Variants in TF observed in about 807,000 individuals in gnomAD.
TF encodes serotransferrin.
TF carries 55 observed loss-of-function variants against 82.4 expected under a neutral mutation model. That is an observed-to-expected ratio of 0.67 (90% CI 0.54 to 0.84). TF has a LOEUF of 0.84. Ranked by LOEUF, TF falls within the 40% of genes least tolerant of loss-of-function variation. The pLI is 0.00. For missense variants in TF, 737 were observed against 868.4 expected, an observed-to-expected ratio of 0.85 and a Z score of 1.90; for synonymous variants, 332 against 332.6, an observed-to-expected ratio of 1.00 and a Z score of 0.02.
At chr3:133,664,405 C>A in the TF span, among the ~76,000 whole-genome samples, 3 of 152,126 alleles carry the variant, frequency 2.0e-5, no homozygotes, top group African/African-American at 2.4e-5. Context: ...TCACTGCAAC[C>A]TCCACCCCCG....
chr3:133,735,050 C>T, the TF span, among the ~76,000 whole-genome samples: 4 of 152,226 alleles, frequency 2.6e-5, no homozygotes, highest in East Asian at 7.7e-4. Context: ...GCTATATTGA[C>T]TGAGTATTAG....
At chr3:133,743,653 A>G (rs4640562), upstream of TF, among the ~76,000 whole-genome samples, 1,087 of 152,274 alleles carry the variant, frequency 7.1e-3, 12 homozygotes, top group African/African-American at 0.025. Context: ...TCAGAGGGGT[A>G]TGGTAAGTGC....
Position 133,789,867 on chromosome 3 carries a change from G to C in TF, c.*11247G>C, listed in dbSNP as rs375171613. The C allele has an allele frequency of 5.4e-5, 7 of 128,724 alleles. No homozygotes were observed. Among genetic ancestry groups the C allele is most frequent in the Non-Finnish European group, 1.1e-4 (7 of 63,078 alleles). The allele number at this position is 128,724 out of a possible 1,614,324, so 8.0% of individuals were successfully genotyped here. On this transcript the variant is annotated 3_prime_UTR_variant, in exon 17 of 17. Transcript: ENST00000402696. ...ACTATAAACCCAGCCAAAACAAAACGATCTCGTTTGCGTTTTTTTTTTTTT... is the reference window on the plus strand; with the variant it reads ...ACTATAAACCCAGCCAAAACAAAACCATCTCGTTTGCGTTTTTTTTTTTTT...
chr3:133,714,676 T>G, the TF span, among the ~76,000 whole-genome samples: 1 of 148,562 alleles, frequency 6.7e-6, no homozygotes, highest in South Asian at 2.1e-4. Flanking sequence ...CCTTGAGTTG[T>G]TTTTTTGTTT....
rs779860647 is a variant in TF, at chr3:133,790,264, C to G, written c.*11644C>G. Reference sequence around the variant, plus strand: ...ATGTTTCTAAAATTGTGGAATTGTTCTTAACTATAAATTCCCATATCTGAT... The same window carrying G: ...ATGTTTCTAAAATTGTGGAATTGTTGTTAACTATAAATTCCCATATCTGAT... On this transcript the variant is annotated 3_prime_UTR_variant, in exon 17 of 17. Transcript: ENST00000402696. 3 of 152,084 alleles carry G rather than the reference C, an allele frequency of 2.0e-5. No individual in the cohort carries two copies. Among genetic ancestry groups the G allele is most frequent in the Non-Finnish European group, 2.9e-5 (2 of 68,004 alleles). The allele number at this position is 152,084 out of a possible 1,614,324, so 9.4% of individuals were successfully genotyped here.
the TF span, among the ~76,000 whole-genome samples, chr3:133,737,919 T>C: frequency 6.6e-6 from 1 of 152,110 alleles, no homozygotes; most frequent in Non-Finnish European, 1.5e-5. Flanking sequence ...TCTGAAACTA[T>C]TCCAAACCAT....
At chr3:133,683,729 T>A in the TF span, among the ~76,000 whole-genome samples, 73 of 152,196 alleles carry the variant, frequency 4.8e-4, no homozygotes, top group Non-Finnish European at 7.5e-4. Flanking sequence ...ACAAAGAGAC[T>A]TAGACTCCCA....
intron 14 of TF, chr3:133,772,901 C>T (rs1174947497): frequency 6.6e-6 from 1 of 152,124 alleles, no homozygotes; most frequent in East Asian, 1.9e-4. Flanking sequence ...TTATATTTTG[C>T]ACCTTCTTAC....
At position 133,788,808 on chromosome 3, in the gene TF, C is replaced by T. The variant is rs1166615917; in HGVS notation, c.*10188C>T. 6.6e-6 allele frequency: 1 copy of T among 152,218 alleles called. No homozygotes were observed. The highest frequency in any genetic ancestry group is 1.5e-5 in the Non-Finnish European group (1 of 68,074). The allele number at this position is 152,218 out of a possible 1,614,324, so 9.4% of individuals were successfully genotyped here. A position where few individuals can be genotyped will look rare whatever the true frequency, so the allele number is the denominator to read the frequency against. ...CGCAGCTCAGGGCAAACTTGCAGCT[C>T]AGGGTGAACTTGCATGTGTTTCAGG... On this transcript the variant is annotated 3_prime_UTR_variant, in exon 17 of 17. Coordinates refer to ENST00000402696, the MANE Select transcript of TF (RefSeq NM_001063.4).
the TF span, among the ~76,000 whole-genome samples, chr3:133,706,617 G>C: frequency 5.3e-5 from 8 of 152,256 alleles, no homozygotes; most frequent in Non-Finnish European, 1.2e-4. Context: ...ATTATGGTTT[G>C]AAAACTGCTG....
chr3:133,718,471 C>T, the TF span, among the ~76,000 whole-genome samples: 3 of 152,066 alleles, frequency 2.0e-5, no homozygotes, highest in Non-Finnish European at 4.4e-5. Flanking sequence ...TGTGTTTTCT[C>T]TGGGAAGCAG....
the TF span, among the ~76,000 whole-genome samples, chr3:133,719,915 C>T: frequency 4.6e-5 from 7 of 151,954 alleles, no homozygotes; most frequent in South Asian, 2.1e-4. Flanking sequence ...TTATTATTAG[C>T]GTATGAAAAT....
the TF span, among the ~76,000 whole-genome samples, chr3:133,729,114 G>GAC: frequency 1.3e-5 from 2 of 152,146 alleles, no homozygotes; most frequent in African/African-American, 2.4e-5. Context: ...GGTCAGAGGG[G>GAC]TCACTTGAGG....
the TF span, among the ~76,000 whole-genome samples, chr3:133,733,406 T>C: frequency 2.0e-5 from 3 of 152,176 alleles, no homozygotes; most frequent in Admixed American, 1.3e-4. Flanking sequence ...AGGTGTCCTG[T>C]AAATAGTGTG....
the TF span, among the ~76,000 whole-genome samples, chr3:133,692,488 C>T: frequency 2.6e-5 from 4 of 152,180 alleles, no homozygotes; most frequent in South Asian, 8.3e-4. Flanking sequence ...CTGAAGCGCT[C>T]CCTAAGTGCG....
chr3:133,724,488 C>A, the TF span, among the ~76,000 whole-genome samples: 1 of 152,086 alleles, frequency 6.6e-6, no homozygotes, highest in Non-Finnish European at 1.5e-5. Flanking sequence ...CCTTTGCCCA[C>A]ATTTGATGGG....
In TF at chr3:133,768,076, A is replaced by G. The variant is rs772553962; in HGVS notation, c.1534A>G (p.Ser512Gly). ...GCAPGSKKDSSLCKLCMGSGL... is the reference protein window; with the variant it reads ...GCAPGSKKDSGLCKLCMGSGL... Reference sequence around the variant, plus strand: ...TGCCCCTGGGTCTAAGAAAGACTCCAGTCTCTGTAAGCTGTGTATGGGCTC... The same window carrying G: ...TGCCCCTGGGTCTAAGAAAGACTCCGGTCTCTGTAAGCTGTGTATGGGCTC... The change falls in exon 13 of 17, where the codon AGT becomes GGT. Residue 512 changes from serine to glycine, a missense_variant. Coordinates refer to ENST00000402696, the MANE Select transcript of TF (RefSeq NM_001063.4). The G allele has an allele frequency of 3.1e-6, 5 of 1,614,112 alleles. No individual in the cohort carries two copies. Among genetic ancestry groups the G allele is most frequent in the African/African-American group, 2.7e-5 (2 of 74,942 alleles).
the TF span, among the ~76,000 whole-genome samples, chr3:133,711,593 C>T: frequency 2.0e-5 from 3 of 152,118 alleles, no homozygotes; most frequent in African/African-American, 7.2e-5. Flanking sequence ...CCACTCATCT[C>T]CCTCCCCTTT....
At chr3:133,735,125 G>A in the TF span, among the ~76,000 whole-genome samples, 4 of 152,020 alleles carry the variant, frequency 2.6e-5, no homozygotes, top group African/African-American at 7.3e-5. Context: ...GGTGGATCAC[G>A]AGGTCAGGAG....
Sources: allele counts gnomAD v4.1 joint callset (sites outside exome capture counted in the v4.1 genomes callset), GRCh38; gene constraint gnomAD v4.1.1; transcripts MANE v1.5; gene names NCBI Gene and HGNC (gene_info 2026-07-23, HGNC 2026-07-21).